Variants in DNAI7 observed in about 807,000 individuals in gnomAD.
The protein encoded by DNAI7 is dynein axonemal intermediate chain 7, also known as cancer susceptibility 1.
A neutral mutation model predicts 86.6 loss-of-function variants in DNAI7; 78 were observed. The ratio of observed to expected loss-of-function variants is 0.90; its 90% confidence interval spans 0.75 to 1.09. The LOEUF is 1.09. DNAI7 is among the 50% of genes least tolerant of loss of function. DNAI7 has a pLI of 0.00. For missense variants in DNAI7, 753 were observed against 810.2 expected (o/e 0.93, Z 0.86); for synonymous variants, 274 against 273.0 (o/e 1.00, Z -0.04).
chr12:25,171,129 G>C (rs552420495), intron 2 of DNAI7, among the ~76,000 whole-genome samples: 6 of 152,066 alleles, frequency 3.9e-5, no homozygotes, highest in South Asian at 4.2e-4. Context: ...ACCAAGATCA[G>C]AACAGAATTA....
At position 25,111,571 on chromosome 12, in the gene DNAI7, T is replaced by C. The variant is rs947050095; in HGVS notation, c.1779+201A>G. ...TCTGTGGATATGCTCCATTTGTCAA[T>C]ATGAAGATCGCACTACAGGCTTACT... On this transcript the variant is annotated intron_variant, in intron 14 of 15. Coordinates refer to ENST00000395987, the MANE Select transcript of DNAI7 (RefSeq NM_018272.5). 3.3e-5 allele frequency among the ~76,000 whole-genome samples: 5 copies of C among 152,164 alleles called. No individual in the cohort carries two copies. The East Asian group carries it at 7.7e-4, about 23-fold the overall frequency.
intron 9 of DNAI7, among the ~76,000 whole-genome samples, chr12:25,140,505 A>T (rs1944047971): frequency 6.6e-6 from 1 of 152,190 alleles, no homozygotes; most frequent in African/African-American, 2.4e-5. Flanking sequence ...CACCTAACCA[A>T]GGAGCTGAAA....
chr12:25,176,580 AAT>A (rs1006050359), intron 2 of DNAI7, among the ~76,000 whole-genome samples: 1 of 151,890 alleles, frequency 6.6e-6, no homozygotes, highest in African/African-American at 2.4e-5. Flanking sequence ...AATTTTTATA[AAT>A]ATGTGAGAGA....
chr12:25,132,567 AC>A (rs1420313725), intron 9 of DNAI7, among the ~76,000 whole-genome samples: 5 of 141,026 alleles, frequency 3.5e-5, no homozygotes, highest in Admixed American at 6.8e-5. Context: ...AAATCTTGGC[AC>A]AATCATTTTT....
At chr12:25,184,565 T>C (rs1016322620) in intron 2 of DNAI7, among the ~76,000 whole-genome samples, 3 of 152,248 alleles carry the variant, frequency 2.0e-5, no homozygotes. Context: ...CTTAGTTTAA[T>C]TACTGTTAAA....
intron 6 of DNAI7, among the ~76,000 whole-genome samples, chr12:25,152,564 T>C (rs916839617): frequency 6.6e-6 from 1 of 152,254 alleles, no homozygotes; most frequent in African/African-American, 2.4e-5. Flanking sequence ...TCTTTTGTAA[T>C]ATCCTTTATA....
At chr12:25,181,172 G>C (rs1949470225) in intron 2 of DNAI7, among the ~76,000 whole-genome samples, 1 of 152,130 alleles carries the variant, frequency 6.6e-6, no homozygotes, top group African/African-American at 2.4e-5. Flanking sequence ...GTGCAGTGGT[G>C]CAATCATAGC....
chr12:25,190,796 A>G (rs1347677737), intron 1 of DNAI7, among the ~76,000 whole-genome samples, 165 bp from the exon 2 acceptor site: 1 of 152,220 alleles, frequency 6.6e-6, no homozygotes, highest in Non-Finnish European at 1.5e-5. Context: ...AATTATCCCA[A>G]AATAAAATGC....
At chr12:25,143,504 G>A (rs756661656) in intron 9 of DNAI7, among the ~76,000 whole-genome samples, 3 of 151,488 alleles carry the variant, frequency 2.0e-5, no homozygotes, top group Non-Finnish European at 4.4e-5. Flanking sequence ...GATTACAGGC[G>A]TGAGCCACCA....
Position 25,161,137 on chromosome 12 carries a change from C to A in DNAI7, c.82G>T (p.Glu28Ter), listed in dbSNP as rs2141028435. Residue 28 changes from glutamate (E) to a stop codon, truncating the protein, a stop_gained, in exon 3 of 16, where the codon GAG becomes TAG. Transcript: ENST00000395987. LOFTEE classifies it high-confidence loss of function. ...CCTTCCTCTTTCAGTCGTCTCTCCTCCTCCTCTTGTAGCAGCTTCAATCGT... is the reference window on the plus strand; with the variant it reads ...CCTTCCTCTTTCAGTCGTCTCTCCTACTCCTCTTGTAGCAGCTTCAATCGT... ...AERLKLLQEE[E>*]ERRLKEEEEA... 3 of 1,613,804 alleles carry A rather than the reference C, an allele frequency of 1.9e-6. No individual in the cohort carries two copies. In the East Asian group the frequency reaches 6.7e-5, roughly 36 times the overall value.
rs753604683 is a variant in DNAI7 at position 25,114,740 on chromosome 12, C to G, written c.1527G>C (p.Gln509His). 6.2e-7 allele frequency: 1 copy of G among 1,613,966 alleles called. No homozygotes were observed. Among genetic ancestry groups the G allele is most frequent in the Non-Finnish European group, 8.5e-7 (1 of 1,179,890 alleles). ...CATCAAGTGGTCTTAGTTCCCATGACTGGTACGGCATGTTAATATGAGCAT... is the reference window on the plus strand; with the variant it reads ...CATCAAGTGGTCTTAGTTCCCATGAGTGGTACGGCATGTTAATATGAGCAT... ...IQDAHINMPY[Q>H]SWELRPLDVN... Residue 509 changes from glutamine to histidine, a missense_variant, in exon 13 of 16, where the codon CAG becomes CAC. Gln to His is a conservative substitution (Grantham distance 24). Transcript: ENST00000395987.
chr12:25,177,517 C>T (rs12423443), intron 2 of DNAI7, among the ~76,000 whole-genome samples: 73,069 of 151,976 alleles, frequency 0.48, 17,902 homozygotes, highest in East Asian at 0.77. Flanking sequence ...TATATTTTCA[C>T]TGCTGAATAG....
intron 2 of DNAI7, among the ~76,000 whole-genome samples, chr12:25,164,805 C>CT (rs1452158887): frequency 6.6e-6 from 1 of 151,894 alleles, no homozygotes; most frequent in Non-Finnish European, 1.5e-5. Flanking sequence ...CTGACTTCTC[C>CT]CCTCCTCACC....
At chr12:25,124,600 A>C (rs1010661911) in intron 9 of DNAI7, among the ~76,000 whole-genome samples, 1 of 152,196 alleles carries the variant, frequency 6.6e-6, no homozygotes, top group African/African-American at 2.4e-5. Context: ...ACCTAAAGGT[A>C]GTAAGTTTGA....
chr12:25,113,865 A>G (rs1375244974), intron 13 of DNAI7, among the ~76,000 whole-genome samples: 1 of 150,020 alleles, frequency 6.7e-6, no homozygotes, highest in Non-Finnish European at 1.5e-5. Context: ...ACCCACTCTC[A>G]GCCCCAGGCA....
chr12:25,165,408 C>A (rs1234691434), intron 2 of DNAI7, among the ~76,000 whole-genome samples: 1 of 152,234 alleles, frequency 6.6e-6, no homozygotes, highest in African/African-American at 2.4e-5. Flanking sequence ...CCTCCTCCCC[C>A]AGGAGCTTGC....
chr12:25,129,335 C>G (rs1281499529), intron 9 of DNAI7, among the ~76,000 whole-genome samples: 2 of 152,084 alleles, frequency 1.3e-5, no homozygotes, highest in African/African-American at 2.4e-5. Context: ...AGAGAAGGAG[C>G]CTTATTTGTT....
chr12:25,123,728 T>C (rs1347555015), intron 9 of DNAI7, among the ~76,000 whole-genome samples: 1 of 152,284 alleles, frequency 6.6e-6, no homozygotes, highest in Non-Finnish European at 1.5e-5. Flanking sequence ...GAAGATAGTA[T>C]CCCATTGTAC....
At chr12:25,110,461 C>T (rs1949731409) in intron 14 of DNAI7, among the ~76,000 whole-genome samples, 1 of 152,198 alleles carries the variant, frequency 6.6e-6, no homozygotes, top group Non-Finnish European at 1.5e-5. Flanking sequence ...CATCCCTACT[C>T]CCGACTCCAC....
Sources: gnomAD v4.1 joint callset for allele counts (sites outside exome capture counted in the v4.1 genomes callset) on GRCh38, gnomAD v4.1.1 for gene constraint, MANE v1.5 for transcripts, NCBI Gene and HGNC (gene_info 2026-07-23, HGNC 2026-07-21) for gene names.